CACNG2: variants seen among roughly 807,000 people sequenced by gnomAD.
CACNG2 encodes voltage-dependent calcium channel gamma-2 subunit.
A neutral mutation model predicts 25.9 loss-of-function variants in CACNG2; 3 were observed. The ratio of observed to expected loss-of-function variants is 0.12; its 90% CI spans 0.05 to 0.30. The LOEUF is 0.30. Among genes scored for constraint, CACNG2 ranks in the 10% least tolerant of loss-of-function variants. The pLI, the probability that CACNG2 is intolerant of heterozygous loss-of-function variation, is 1.00. For missense variants in CACNG2, 341 were observed against 432.5 expected, an observed-to-expected ratio of 0.79 and a Z score of 1.88; for synonymous variants, 167 against 173.3, an observed-to-expected ratio of 0.96 and a Z score of 0.29.
intron 1 of CACNG2, among the ~76,000 whole-genome samples, chr22:36,605,508 T>C (rs1485551129): frequency 6.6e-6 from 1 of 152,176 alleles, no homozygotes; most frequent in East Asian, 1.9e-4. Flanking sequence ...AGAGAGGCAG[T>C]GATGCTCAGT....
chr22:36,592,238 G>C (rs1412471175), intron 1 of CACNG2, among the ~76,000 whole-genome samples: 1 of 150,984 alleles, frequency 6.6e-6, no homozygotes, highest in Non-Finnish European at 1.5e-5. Context: ...GCAAAGGCGG[G>C]GGTGGGGGGT....
At chr22:36,671,660 C>T (rs1936952145) in intron 1 of CACNG2, among the ~76,000 whole-genome samples, 1 of 152,212 alleles carries the variant, frequency 6.6e-6, no homozygotes, top group Admixed American at 6.5e-5. Context: ...CCCGACCTTC[C>T]TGTTGACTGA....
At chr22:36,647,875 G>GTGTA (rs569469672) in intron 1 of CACNG2, among the ~76,000 whole-genome samples, 3 of 149,034 alleles carry the variant, frequency 2.0e-5, no homozygotes, top group Non-Finnish European at 4.4e-5. Context: ...GTGTGTGTGT[G>GTGTA]TGTATGTGCA....
intron 1 of CACNG2, among the ~76,000 whole-genome samples, chr22:36,619,412 A>C (rs1413996848): frequency 6.6e-6 from 1 of 152,252 alleles, no homozygotes; most frequent in Non-Finnish European, 1.5e-5. Flanking sequence ...ACAGAGTTGC[A>C]GTACTAATAA....
intron 1 of CACNG2, among the ~76,000 whole-genome samples, chr22:36,695,775 A>G (rs903895952): frequency 1.4e-4 from 22 of 152,142 alleles, no homozygotes; most frequent in African/African-American, 5.1e-4. Context: ...ATGTGAGATT[A>G]TGTGAATTGG....
In CACNG2 at chr22:36,564,697, C is replaced by T. The variant is rs759775990; in HGVS notation, c.626G>A (p.Arg209Gln). Residue 209 changes from arginine (R) to glutamine (Q), a missense_variant, in exon 4 of 4, where the codon CGG becomes CAG. Coordinates refer to ENST00000300105, the MANE Select transcript of CACNG2 (RefSeq NM_006078.5). This position sits in a 1 kb window ranked among gnomAD's most constrained non-coding sequence, Gnocchi z 6.7. ...HMFIDRHKQL[R>Q]ATARATDYLQ... ...GTAGTCCGTGGCGCGGGCCGTGGCC[C>T]GCAGCTGTTTGTGCCGGTCGATAAA... The T allele has an allele frequency of 1.2e-6, 2 of 1,614,030 alleles. No individual in the cohort carries two copies. Among genetic ancestry groups the T allele is most frequent in the Non-Finnish European group, 1.7e-6 (2 of 1,180,018 alleles).
intron 1 of CACNG2, among the ~76,000 whole-genome samples, chr22:36,617,891 A>T (rs932204599): frequency 1.3e-5 from 2 of 152,006 alleles, no homozygotes; most frequent in African/African-American, 4.8e-5. Context: ...GTTGGTAACC[A>T]TCAACCCGAA....
At chr22:36,663,117 T>C (rs908654293) in intron 1 of CACNG2, among the ~76,000 whole-genome samples, 9 of 152,100 alleles carry the variant, frequency 5.9e-5, no homozygotes, top group African/African-American at 1.9e-4. Flanking sequence ...TTAAGATAAG[T>C]TCTCATTAGG....
chr22:36,685,264 G>A (rs550190303), intron 1 of CACNG2, among the ~76,000 whole-genome samples: 16 of 152,218 alleles, frequency 1.1e-4, no homozygotes, highest in African/African-American at 3.6e-4. Context: ...TGGACCCTCT[G>A]GGCTCCAGCA....
chr22:36,634,793 T>G (rs1191061601), intron 1 of CACNG2, among the ~76,000 whole-genome samples: 1 of 152,172 alleles, frequency 6.6e-6, no homozygotes, highest in African/African-American at 2.4e-5. Context: ...GTTTATATAG[T>G]GGGGAAGACC....
intron 1 of CACNG2, among the ~76,000 whole-genome samples, chr22:36,659,796 T>C (rs765943400): frequency 1.3e-5 from 2 of 152,078 alleles, no homozygotes; most frequent in African/African-American, 2.4e-5. Context: ...AGCAGCCAGA[T>C]GGAACACCTT....
At chr22:36,675,611 A>G (rs1243162708) in intron 1 of CACNG2, among the ~76,000 whole-genome samples, 1 of 152,230 alleles carries the variant, frequency 6.6e-6, no homozygotes, top group Non-Finnish European at 1.5e-5. Context: ...GGGCTATGTT[A>G]AATTTCCAAT....
rs1935039698 is a variant in CACNG2 at position 36,562,196 on chromosome 22, TG to T, written c.*2154del. ...TCGGGGAGCACAGTGAGGAGGTATA[TG>T]GTGTGTGTGTGTGTGTGTGTCTGAG... On this transcript the variant is annotated 3_prime_UTR_variant, in exon 4 of 4. Transcript: ENST00000300105. 6.6e-6 allele frequency: 1 copy of T among 151,282 alleles called. No individual in the cohort carries two copies. 9.4% of individuals were successfully genotyped at this position (151,282 alleles called of 1,614,324 possible).
chr22:36,574,448 G>C (rs1935281768), intron 2 of CACNG2, among the ~76,000 whole-genome samples: 1 of 152,156 alleles, frequency 6.6e-6, no homozygotes, highest in African/African-American at 2.4e-5. Flanking sequence ...AAACCACTTA[G>C]GGGGACTGGG....
rs986674367 is a variant in CACNG2, at chr22:36,674,008, C to T, written c.211+28358G>A. ...CGATAGCACGCAATCGCTGGTGTGC[C>T]GCGGGCAGCCGTCCCTCCCGCATGA... On this transcript the variant is annotated intron_variant, in intron 1 of 3. Transcript: ENST00000300105. Among the ~76,000 whole-genome samples, 3 of 152,196 alleles carry T rather than the reference C, an allele frequency of 2.0e-5. No individual in the cohort carries two copies. In the East Asian group the frequency reaches 5.8e-4, roughly 29 times the overall value.
chr22:36,646,327 A>T (rs1022633844), intron 1 of CACNG2, among the ~76,000 whole-genome samples: 14 of 152,186 alleles, frequency 9.2e-5, no homozygotes, highest in African/African-American at 3.4e-4. Context: ...CTAAAAAAAA[A>T]GTTCACTGGA....
At chr22:36,569,786 G>C (rs928138280) in intron 2 of CACNG2, among the ~76,000 whole-genome samples, 7 of 152,030 alleles carry the variant, frequency 4.6e-5, no homozygotes, top group African/African-American at 1.7e-4. Context: ...GTGATCCACC[G>C]GCCTCGGCCT....
chr22:36,644,333 A>G (rs931708302), intron 1 of CACNG2, among the ~76,000 whole-genome samples: 7 of 152,200 alleles, frequency 4.6e-5, no homozygotes, highest in Admixed American at 2.0e-4. Flanking sequence ...CATTAGCTTG[A>G]CGTCTTCCTG....
chr22:36,690,850 T>G (rs1279070142), intron 1 of CACNG2, among the ~76,000 whole-genome samples: 1 of 152,210 alleles, frequency 6.6e-6, no homozygotes, highest in Non-Finnish European at 1.5e-5. Flanking sequence ...TTGTGCTATG[T>G]CTTTTTTCTA....
Sources: allele counts gnomAD v4.1 joint callset (sites outside exome capture counted in the v4.1 genomes callset), GRCh38; gene constraint gnomAD v4.1.1; non-coding constraint Gnocchi (gnomAD v3.1); transcripts MANE v1.5; gene names NCBI Gene and HGNC (gene_info 2026-07-23, HGNC 2026-07-21).